Variants in KCNU1 observed in about 807,000 individuals in gnomAD.
The protein encoded by KCNU1 is potassium calcium-activated channel subfamily U member 1.
Under a neutral mutation model 126.8 loss-of-function variants are expected in KCNU1, and 93 were observed. That is an observed-to-expected ratio of 0.73 (90% confidence interval 0.62 to 0.87). The LOEUF (loss-of-function observed/expected upper bound fraction) is 0.87. Among genes scored for constraint, KCNU1 ranks in the 40% least tolerant of loss-of-function variants. The pLI, the probability that KCNU1 is intolerant of heterozygous loss-of-function variation, is 0.00. For missense variants in KCNU1, 1,330 were observed against 1,367.1 expected, an observed-to-expected ratio of 0.97 and a Z score of 0.43; for synonymous variants, 523 against 494.2, an observed-to-expected ratio of 1.06 and a Z score of -0.77.
chr8:36,814,183 C>G, intron 7 of KCNU1, 24 bp from the exon 8 acceptor site: 1 of 1,596,978 alleles, frequency 6.3e-7, no homozygotes, highest in Non-Finnish European at 8.6e-7. Flanking sequence ...TCAGATGTTT[C>G]CTGAGTCTTC....
intron 23 of KCNU1, 67 bp downstream of exon 23, chr8:36,918,964 G>T (rs1585565135): frequency 3.9e-6 from 4 of 1,019,736 alleles, no homozygotes; most frequent in South Asian, 2.6e-5. Context: ...ATGTTCCAAG[G>T]ATCTTTTTAG....
intron 18 of KCNU1, among the ~76,000 whole-genome samples, chr8:36,862,260 C>T (rs1482883488): frequency 6.6e-6 from 1 of 152,118 alleles, no homozygotes; most frequent in East Asian, 1.9e-4. Flanking sequence ...ATCAGAGAAA[C>T]TTCATTGCTT....
At chr8:36,866,126 A>G (rs1005419954) in intron 19 of KCNU1, among the ~76,000 whole-genome samples, 3 of 152,020 alleles carry the variant, frequency 2.0e-5, no homozygotes, top group Non-Finnish European at 4.4e-5. Context: ...TATTATTGCA[A>G]TGATCAATTC....
intron 10 of KCNU1, among the ~76,000 whole-genome samples, chr8:36,829,791 C>T (rs1335622842): frequency 6.6e-6 from 1 of 151,012 alleles, no homozygotes; most frequent in African/African-American, 2.4e-5. Context: ...CTTTAGTACC[C>T]CTGAATAATG....
intron 2 of KCNU1, among the ~76,000 whole-genome samples, chr8:36,798,860 T>A (rs1236275895): frequency 1.3e-5 from 2 of 152,196 alleles, no homozygotes; most frequent in African/African-American, 4.8e-5. Flanking sequence ...CTTGGGCACA[T>A]GTTCTCAGGA....
At chr8:36,866,524 G>T (rs1190528579) in intron 19 of KCNU1, among the ~76,000 whole-genome samples, 1 of 152,138 alleles carries the variant, frequency 6.6e-6, no homozygotes, top group East Asian at 1.9e-4. Flanking sequence ...TTGAAGGAAA[G>T]GTCTTGGGGC....
At chr8:36,799,047 A>T (rs1361016572) in intron 2 of KCNU1, among the ~76,000 whole-genome samples, 1 of 152,124 alleles carries the variant, frequency 6.6e-6, no homozygotes, top group Admixed American at 6.5e-5. Context: ...TTGATCCCCC[A>T]GGCACCGGGG....
chr8:36,894,128 T>C lies in KCNU1; in HGVS notation c.2010-11580T>C, dbSNP rs1393615104. ...TTTAAAATGATGTCAGGCTGCTTTC[T>C]AGATTAGAAGTCAAAATCCACTTCA... On this transcript the variant is annotated intron_variant, in intron 19 of 26. Coordinates refer to ENST00000399881, the MANE Select transcript of KCNU1 (RefSeq NM_001031836.3). 3.9e-5 allele frequency among the ~76,000 whole-genome samples: 6 copies of C among 152,282 alleles called. No individual in the cohort carries two copies. In the East Asian group the frequency reaches 1.2e-3, roughly 29 times the overall value.
intron 22 of KCNU1, 100 bp downstream of exon 22, chr8:36,911,219 T>C: frequency 2.1e-6 from 2 of 936,082 alleles, no homozygotes; most frequent in Non-Finnish European, 3.1e-6. Context: ...AGCAGGAGGG[T>C]GGGCCAGATG....
At chr8:36,879,211 G>GTGTATATATATATATATATA in intron 19 of KCNU1, among the ~76,000 whole-genome samples, 1 of 101,758 alleles carries the variant, frequency 9.8e-6, no homozygotes, top group Admixed American at 1.2e-4. Flanking sequence ...GTGTGTGTGT[G>GTGTATATATATATATATATA]TATATATATA....
At chr8:36,900,327 A>G (rs1188388690) in intron 19 of KCNU1, among the ~76,000 whole-genome samples, 1 of 152,152 alleles carries the variant, frequency 6.6e-6, no homozygotes, top group Non-Finnish European at 1.5e-5. Flanking sequence ...GGGGAAATGA[A>G]CTATATAAAA....
chr8:36,839,961 T>C (rs1460544637), intron 14 of KCNU1, among the ~76,000 whole-genome samples: 1 of 152,252 alleles, frequency 6.6e-6, no homozygotes, highest in Non-Finnish European at 1.5e-5. Context: ...CTCTCTTCCA[T>C]GCATCAGGAT....
At position 36,909,425 on chromosome 8, in the gene KCNU1, A is replaced by T; in HGVS notation, c.2221A>T (p.Ser741Cys). ...GAACTTTGTAATGCCCTTGAGAGCCAGCAACTATACCAGGAAGGAGCTGAA... is the reference window on the plus strand; with the variant it reads ...GAACTTTGTAATGCCCTTGAGAGCCTGCAACTATACCAGGAAGGAGCTGAA... ...LRNFVMPLRA[S>C]NYTRKELKDI... The change falls in exon 21 of 27, where the codon AGC becomes TGC. Residue 741 changes from serine (S) to cysteine (C), a missense_variant. Physicochemically the swap from Ser to Cys is moderately radical, Grantham distance 112 (BLOSUM62 -1). Coordinates refer to ENST00000399881, the MANE Select transcript of KCNU1 (RefSeq NM_001031836.3). 1 of 1,613,250 alleles carries T rather than the reference A, an allele frequency of 6.2e-7. No individual in the cohort carries two copies. Among genetic ancestry groups the T allele is most frequent in the Non-Finnish European group, 8.5e-7 (1 of 1,179,208 alleles).
intron 19 of KCNU1, among the ~76,000 whole-genome samples, chr8:36,886,425 C>T (rs1219423984): frequency 1.3e-5 from 2 of 152,158 alleles, no homozygotes; most frequent in African/African-American, 4.8e-5. Context: ...GGAAAGGAGA[C>T]TTTATTTCTT....
rs1330020909 is a variant in KCNU1 at position 36,804,107 on chromosome 8, C to A, written c.377+19C>A. On this transcript the variant is annotated intron_variant, in intron 3 of 26. Transcript: ENST00000399881. Reference sequence around the variant, plus strand: ...CTGCTGAGTGAGTACAATGTCCAGTCACACTTGTCTGCTATATCAGTACAT... The same window carrying A: ...CTGCTGAGTGAGTACAATGTCCAGTAACACTTGTCTGCTATATCAGTACAT... The A allele has an allele frequency of 1.3e-6, 2 of 1,504,032 alleles. No individual in the cohort carries two copies. The highest frequency in any genetic ancestry group is 1.2e-5 in the South Asian group (1 of 83,468). 93.2% of individuals were successfully genotyped at this position (1,504,032 alleles called of 1,614,324 possible). A position where few individuals can be genotyped will look rare whatever the true frequency, so the allele number is the denominator to read the frequency against.
chr8:36,790,894 C>T (rs1563256806), intron 2 of KCNU1, among the ~76,000 whole-genome samples: 1 of 151,674 alleles, frequency 6.6e-6, no homozygotes, highest in African/African-American at 2.4e-5. Context: ...TTTTTATATA[C>T]CCTACAAACT....
In KCNU1 at chr8:36,886,071, A is replaced by G. The variant is rs1162585430; in HGVS notation, c.2010-19637A>G. ...TATCCCACACATTACCACCACACCA[A>G]TAGGGCTTCAGTATCACAAAAGTGA... On this transcript the variant is annotated intron_variant, in intron 19 of 26. Transcript: ENST00000399881. Among the ~76,000 whole-genome samples, 3 of 152,184 alleles carry G rather than the reference A, an allele frequency of 2.0e-5. No individual in the cohort carries two copies. The East Asian group carries it at 5.8e-4, about 29-fold the overall frequency.
At chr8:36,870,808 T>C (rs770266337) in intron 19 of KCNU1, among the ~76,000 whole-genome samples, 20 of 152,188 alleles carry the variant, frequency 1.3e-4, no homozygotes, top group Non-Finnish European at 2.1e-4. Context: ...GCCTACTGAG[T>C]GATGCCTTTA....
intron 2 of KCNU1, among the ~76,000 whole-genome samples, chr8:36,798,963 G>A (rs914836277): frequency 2.0e-5 from 3 of 151,998 alleles, no homozygotes; most frequent in Non-Finnish European, 2.9e-5. Flanking sequence ...TCTTATCGTC[G>A]ACAGTCTGAA....
Sources: allele counts gnomAD v4.1 joint callset (sites outside exome capture counted in the v4.1 genomes callset), GRCh38; gene constraint gnomAD v4.1.1; transcripts MANE v1.5; gene names NCBI Gene and HGNC (gene_info 2026-07-23, HGNC 2026-07-21).